The following PSMB1 variants were observed in gnomAD, a reference collection of about 807,000 sequenced individuals.
PSMB1 encodes the protein proteasome 20S subunit beta 1, also known as proteasome subunit beta type-1.
PSMB1 carries 7 observed loss-of-function variants against 25.4 expected under a neutral mutation model. The observed-to-expected ratio is 0.28, with a 90% CI of 0.16 to 0.52. PSMB1 has a LOEUF of 0.52. Among genes scored for constraint, PSMB1 ranks in the 20% least tolerant of loss-of-function variants. The pLI, the probability that PSMB1 is intolerant of heterozygous loss-of-function variation, is 0.97. For synonymous variants in PSMB1, 119 were observed against 115.0 expected (o/e 1.03, Z -0.22); for missense variants, 284 against 302.2 (o/e 0.94, Z 0.45).
intron 1 of PSMB1, chr6:170,549,774 T>G (rs534876021): frequency 6.6e-6 from 1 of 152,270 alleles, no homozygotes; most frequent in Non-Finnish European, 1.5e-5. Flanking sequence ...AATTTCATCA[T>G]ATATACAACA....
Position 170,537,339 on chromosome 6 carries a change from TC to T in PSMB1, c.434del (p.Gly145GlufsTer11). 6.2e-7 allele frequency: 1 copy of T among 1,611,088 alleles called. No homozygotes were observed. Among genetic ancestry groups the T allele is most frequent in the Non-Finnish European group, 8.5e-7 (1 of 1,177,554 alleles). ...GATCAAAGCTGTATACAGCCCCCTTTCCTTAAAGAAGAAAACAGTATTCATA... is the reference window on the plus strand; with the variant it reads ...GATCAAAGCTGTATACAGCCCCCTTTCTTAAAGAAGAAAACAGTATTCATA... ...YNIIGGLDEE[G>X]KGAVYSFDPV... On this transcript the variant is annotated frameshift_variant and splice_region_variant, in exon 5 of 6. Coordinates refer to ENST00000262193, the MANE Select transcript of PSMB1 (RefSeq NM_002793.4). LOFTEE classifies it high-confidence loss of function.
chr6:170,550,712 A>T (rs1778882902), intron 1 of PSMB1, among the ~76,000 whole-genome samples: 1 of 152,200 alleles, frequency 6.6e-6, no homozygotes, highest in African/African-American at 2.4e-5. Flanking sequence ...GTAAATCCAA[A>T]ATCATCACAA....
Position 170,537,228 on chromosome 6 carries a change from C to A in PSMB1, c.540+6G>T, listed in dbSNP as rs763167026. The A allele has an allele frequency of 3.7e-6, 6 of 1,608,690 alleles. No individual in the cohort carries two copies. In the South Asian group the frequency reaches 6.6e-5, roughly 18 times the overall value. On this transcript the variant is annotated splice_donor_region_variant and intron_variant, in intron 5 of 5. Coordinates refer to ENST00000262193, the MANE Select transcript of PSMB1 (RefSeq NM_002793.4). Reference sequence around the variant, plus strand: ...TAGTATCATTACCTGGACACAGTATCATTACCTGGTTGTCAAGCAGGGGCT... The same window carrying A: ...TAGTATCATTACCTGGACACAGTATAATTACCTGGTTGTCAAGCAGGGGCT...
chr6:170,552,006 T>C (rs1392753539), intron 1 of PSMB1, among the ~76,000 whole-genome samples: 1 of 152,252 alleles, frequency 6.6e-6, no homozygotes, highest in African/African-American at 2.4e-5. Flanking sequence ...TTTCGTTATC[T>C]TTCTAACACA....
chr6:170,544,540 A>G (rs1265401983), intron 3 of PSMB1, among the ~76,000 whole-genome samples: 1 of 152,172 alleles, frequency 6.6e-6, no homozygotes, highest in African/African-American at 2.4e-5. Flanking sequence ...TTAACCACAT[A>G]GCAAACATCT....
At chr6:170,543,211 C>T (rs534916108) in intron 4 of PSMB1, among the ~76,000 whole-genome samples, 52 of 152,232 alleles carry the variant, frequency 3.4e-4, no homozygotes, top group African/African-American at 1.2e-3. Context: ...TTATTAATTA[C>T]CCCAAATGAC....
Position 170,537,283 on chromosome 6 carries a change from T to C in PSMB1, c.491A>G (p.Lys164Arg). The C allele has an allele frequency of 6.2e-7, 1 of 1,614,154 alleles. No homozygotes were observed. Among genetic ancestry groups the C allele is most frequent in the Non-Finnish European group, 8.5e-7 (1 of 1,180,002 alleles). Residue 164 changes from lysine to arginine, a missense_variant, in exon 5 of 6, where the codon AAG becomes AGG. Transcript: ENST00000262193. ...PVGSYQRDSF[K>R]AGGSASAMLQ... is the part of the protein sequence containing the mutation. ...CATGGCACTTGCTGAGCCTCCAGCCTTGAAGGAGTCTCTCTGGTAAGACCC... is the reference window on the plus strand; with the variant it reads ...CATGGCACTTGCTGAGCCTCCAGCCCTGAAGGAGTCTCTCTGGTAAGACCC...
chr6:170,548,957 C>T (rs2076319), intron 2 of PSMB1, 49 bp downstream of exon 2: 697,880 of 1,339,064 alleles, frequency 0.52, 185,909 homozygotes, highest in East Asian at 0.79. Context: ...CTCACAACAT[C>T]AAATCATTAC....
chr6:170,543,943 A>G (rs12211508), intron 3 of PSMB1, among the ~76,000 whole-genome samples: 6,234 of 152,238 alleles, frequency 0.041, 158 homozygotes, highest in Middle Eastern at 0.085. Flanking sequence ...TTTAGACTCT[A>G]TTTTCCATAC....
chr6:170,552,147 C>G (rs1410736384), intron 1 of PSMB1, among the ~76,000 whole-genome samples: 1 of 152,188 alleles, frequency 6.6e-6, no homozygotes, highest in African/African-American at 2.4e-5. Flanking sequence ...CTCCTGGCCT[C>G]AAGCGATGAT....
intron 4 of PSMB1, among the ~76,000 whole-genome samples, chr6:170,541,271 A>C (rs1170861219): frequency 6.6e-6 from 1 of 152,200 alleles, no homozygotes; most frequent in Non-Finnish European, 1.5e-5. Flanking sequence ...ACTGACAAAA[A>C]GTTTAAAGAA....
At position 170,553,230 on chromosome 6, in the gene PSMB1, T is replaced by G. The variant is rs762393571; in HGVS notation, c.13A>C (p.Thr5Pro). The G allele has an allele frequency of 6.2e-7, 1 of 1,612,226 alleles. No homozygotes were observed. The highest frequency in any genetic ancestry group is 8.5e-7 in the Non-Finnish European group (1 of 1,179,032). MLSS[T>P]AMYSAPGRDL... ...CTGCCAGGAGCCGAATACATGGCTG[T>G]AGAGGACAACATCGCACGGCTGCGC... Residue 5 changes from threonine to proline, a missense_variant, in exon 1 of 6, where the codon ACA becomes CCA. Thr to Pro is a conservative substitution (Grantham distance 38). Transcript: ENST00000262193.
At chr6:170,542,313 A>C (rs1778766857) in intron 4 of PSMB1, among the ~76,000 whole-genome samples, 1 of 152,100 alleles carries the variant, frequency 6.6e-6, no homozygotes, top group Non-Finnish European at 1.5e-5. Context: ...AACAACCGAG[A>C]GGCAGGGCGC....
At chr6:170,551,932 GGTTCAAGAA>G (rs1773974801) in intron 1 of PSMB1, among the ~76,000 whole-genome samples, 1 of 152,172 alleles carries the variant, frequency 6.6e-6, no homozygotes, top group African/African-American at 2.4e-5. Context: ...AGGAAATTTA[GGTTCAAGAA>G]GTTCAGAAGT....
chr6:170,550,910 G>C (rs892645047), intron 1 of PSMB1, among the ~76,000 whole-genome samples: 2 of 148,606 alleles, frequency 1.3e-5, no homozygotes, highest in African/African-American at 4.9e-5. Context: ...GCTGAGGGGG[G>C]GGGGGGGGGT....
In PSMB1 at chr6:170,549,022, G is replaced by T; in HGVS notation, c.205C>A (p.Pro69Thr). ...TTTACTTACAATTTGTAACATTTGG[G>T]GCTATCCCGCGTATGAATTGAAAAC... ...EGFSIHTRDS[P>T]KCYKLTDKTV... The change falls in exon 2 of 6, where the codon CCC becomes ACC. Residue 69 changes from proline to threonine, a missense_variant. By Grantham distance (38) the Pro-to-Thr change is conservative. Transcript: ENST00000262193. 6.2e-7 allele frequency: 1 copy of T among 1,608,752 alleles called. No homozygotes were observed. The highest frequency in any genetic ancestry group is 2.2e-5 in the East Asian group (1 of 44,846).
intron 3 of PSMB1, among the ~76,000 whole-genome samples, chr6:170,544,426 A>G (rs1461878329): frequency 6.6e-6 from 1 of 152,212 alleles, no homozygotes; most frequent in Admixed American, 6.5e-5. Context: ...CAGTGACTGC[A>G]AATCCTAGCT....
At chr6:170,543,962 T>C (rs759019374) in intron 3 of PSMB1, among the ~76,000 whole-genome samples, 3 of 152,136 alleles carry the variant, frequency 2.0e-5, no homozygotes, top group Non-Finnish European at 2.9e-5. Context: ...ACCACCCTTA[T>C]CTCAGGTACT....
At chr6:170,546,260 A>T (rs1778817285) in intron 2 of PSMB1, 76 bp from the exon 3 acceptor site, 4 of 1,209,438 alleles carry the variant, frequency 3.3e-6, no homozygotes, top group East Asian at 5.0e-5. Context: ...TTTTAAATTT[A>T]AAATTCTGAT....
Sources: gnomAD v4.1 joint callset for allele counts (sites outside exome capture counted in the v4.1 genomes callset) on GRCh38, gnomAD v4.1.1 for gene constraint, MANE v1.5 for transcripts, NCBI Gene and HGNC (gene_info 2026-07-23, HGNC 2026-07-21) for gene names.